The following SOX6 variants were observed in gnomAD, a reference collection of about 807,000 sequenced individuals.
SOX6 encodes transcription factor SOX-6.
SOX6 carries 11 observed loss-of-function variants against 97.8 expected under a neutral mutation model. The observed-to-expected ratio is 0.11, with a 90% CI of 0.07 to 0.19. SOX6 has a LOEUF of 0.19. Ranked by LOEUF, SOX6 falls within the 10% of genes least tolerant of loss-of-function variation. SOX6 has a pLI of 1.00. For synonymous variants in SOX6, 360 were observed against 371.4 expected (o/e 0.97, Z 0.35); for missense variants, 810 against 1,039.5 (o/e 0.78, Z 3.04).
chr11:16,648,733 A>G (rs754120303), intron 3 of SOX6, among the ~76,000 whole-genome samples: 70 of 152,346 alleles, frequency 4.6e-4, no homozygotes, highest in Non-Finnish European at 9.4e-4. Flanking sequence ...TACCACCCCC[A>G]AAAGATCCCC....
At chr11:16,152,698 C>T (rs1396353755) in intron 6 of SOX6, among the ~76,000 whole-genome samples, 1 of 152,034 alleles carries the variant, frequency 6.6e-6, no homozygotes, top group Non-Finnish European at 1.5e-5. Context: ...CACAGAGAGA[C>T]TCACATACAT....
At chr11:16,085,334 CT>C (rs1564946218) in intron 9 of SOX6, among the ~76,000 whole-genome samples, 2 of 151,940 alleles carry the variant, frequency 1.3e-5, no homozygotes, top group African/African-American at 4.8e-5. Context: ...AAAAAAATTG[CT>C]TTTTTTAAAG....
At chr11:16,301,811 C>G (rs1486011265) in intron 3 of SOX6, among the ~76,000 whole-genome samples, 3 of 152,004 alleles carry the variant, frequency 2.0e-5, no homozygotes, top group Non-Finnish European at 4.4e-5. Context: ...ATCCATAAAA[C>G]GACAAGAAAA....
chr11:16,270,100 G>C (rs774876974), intron 3 of SOX6: 9 of 151,302 alleles, frequency 5.9e-5, no homozygotes, highest in Non-Finnish European at 1.0e-4. Flanking sequence ...TATCTGATAA[G>C]GGTTTAATAT....
intron 3 of SOX6, among the ~76,000 whole-genome samples, chr11:16,672,785 G>A (rs144756512): frequency 5.3e-5 from 8 of 152,216 alleles, no homozygotes; most frequent in African/African-American, 1.9e-4. Flanking sequence ...CATCTCACAT[G>A]TAATGACCCT....
intron 15 of SOX6, among the ~76,000 whole-genome samples, chr11:15,977,191 C>A (rs1011726602): frequency 3.9e-5 from 6 of 152,152 alleles, no homozygotes; most frequent in South Asian, 2.1e-4. Context: ...TAACCTCTGC[C>A]ATGATCCTTG....
At chr11:16,327,501 G>A (rs1205990674) in intron 2 of SOX6, among the ~76,000 whole-genome samples, 1 of 152,058 alleles carries the variant, frequency 6.6e-6, no homozygotes, top group Non-Finnish European at 1.5e-5. Flanking sequence ...ATTCCATTGA[G>A]ATCTGGCTTC....
intron 13 of SOX6, among the ~76,000 whole-genome samples, chr11:16,013,380 A>G (rs1854788743): frequency 6.6e-6 from 1 of 151,984 alleles, no homozygotes; most frequent in Admixed American, 6.6e-5. Context: ...GCCAGCCACA[A>G]TCTCTGTGTT....
At chr11:16,022,345 T>TCCTTCCTC (rs1855088139) in intron 12 of SOX6, among the ~76,000 whole-genome samples, 1 of 143,114 alleles carries the variant, frequency 7.0e-6, no homozygotes, top group Non-Finnish European at 1.5e-5. Flanking sequence ...CTTCCTTCCT[T>TCCTTCCTC]CCTTCCTTCC....
At chr11:16,523,177 C>T (rs1429126833) in intron 4 of SOX6, among the ~76,000 whole-genome samples, 4 of 136,376 alleles carry the variant, frequency 2.9e-5, no homozygotes, top group Admixed American at 2.1e-4. Context: ...ACAGAATATA[C>T]ATTTTTTTTC....
chr11:16,077,037 G>A (rs1374178597), intron 9 of SOX6, among the ~76,000 whole-genome samples: 2 of 152,032 alleles, frequency 1.3e-5, no homozygotes, highest in South Asian at 4.1e-4. Flanking sequence ...ACAGGCGTGA[G>A]CCACCGCGCC....
chr11:16,084,065 T>G (rs1206646332), intron 9 of SOX6, among the ~76,000 whole-genome samples: 1 of 152,178 alleles, frequency 6.6e-6, no homozygotes, highest in Admixed American at 6.5e-5. Flanking sequence ...GTGGAGTGGC[T>G]GTCACTTCTT....
chr11:16,732,269 A>G (rs779086217), intron 2 of SOX6, among the ~76,000 whole-genome samples: 2 of 152,176 alleles, frequency 1.3e-5, no homozygotes, highest in Non-Finnish European at 2.9e-5. Context: ...AAAAGAGCCC[A>G]TATACCCCAG....
chr11:16,108,192 G>A (rs1450275881), intron 7 of SOX6, among the ~76,000 whole-genome samples: 1 of 152,066 alleles, frequency 6.6e-6, no homozygotes, highest in Non-Finnish European at 1.5e-5. Flanking sequence ...CAATCAGTAA[G>A]CTTTAGCTAT....
chr11:16,019,196 T>C (rs530117353), intron 12 of SOX6, among the ~76,000 whole-genome samples: 2 of 152,250 alleles, frequency 1.3e-5, no homozygotes, highest in East Asian at 3.9e-4. Context: ...TATTTCAACA[T>C]GGTCCCCTTT....
intron 1 of SOX6, among the ~76,000 whole-genome samples, chr11:16,451,553 G>A (rs927483996): frequency 6.6e-6 from 1 of 152,098 alleles, no homozygotes; most frequent in Non-Finnish European, 1.5e-5. Context: ...TCCCTTTGCC[G>A]TTAGTAATAT....
At chr11:16,642,209 T>C (rs1283725544) in intron 3 of SOX6, among the ~76,000 whole-genome samples, 1 of 152,214 alleles carries the variant, frequency 6.6e-6, no homozygotes, top group Non-Finnish European at 1.5e-5. Context: ...GAAAATTCTT[T>C]TCTTTAAGAA....
intron 1 of SOX6, among the ~76,000 whole-genome samples, chr11:16,347,791 A>C (rs1231970388): frequency 6.6e-6 from 1 of 152,128 alleles, no homozygotes; most frequent in Non-Finnish European, 1.5e-5. Flanking sequence ...TTCCCTCTTC[A>C]ATATTTCCAG....
At chr11:16,656,955 T>C (rs915682768) in intron 3 of SOX6, among the ~76,000 whole-genome samples, 2 of 152,224 alleles carry the variant, frequency 1.3e-5, no homozygotes, top group Non-Finnish European at 2.9e-5. Context: ...TGAACCAATA[T>C]TGACATATTA....
Sources: gnomAD v4.1 joint callset for allele counts (sites outside exome capture counted in the v4.1 genomes callset) on GRCh38, gnomAD v4.1.1 for gene constraint, MANE v1.5 for transcripts, NCBI Gene and HGNC (gene_info 2026-07-23, HGNC 2026-07-21) for gene names.